ABI2: variants seen among roughly 807,000 people sequenced by gnomAD.
ABI2 encodes the protein abelson interactor 2.
Under a neutral mutation model 59.2 loss-of-function variants are expected in ABI2, and 25 were observed. That is an observed-to-expected ratio of 0.42 (90% confidence interval 0.31 to 0.59). The LOEUF is 0.59. Among genes scored for constraint, ABI2 ranks in the 20% least tolerant of loss-of-function variants. ABI2 has a pLI of 0.14. For synonymous variants in ABI2, 213 were observed against 235.5 expected, an observed-to-expected ratio of 0.90 and a Z score of 0.87; for missense variants, 545 against 681.8, an observed-to-expected ratio of 0.80 and a Z score of 2.23.
intron 2 of ABI2, among the ~76,000 whole-genome samples, chr2:203,376,538 A>C (rs556571575): frequency 2.2e-4 from 34 of 152,190 alleles, no homozygotes; most frequent in Non-Finnish European, 4.6e-4. Context: ...AGCAACAACA[A>C]ATATATTTTT....
chr2:203,360,184 C>CA (rs58857922), intron 1 of ABI2, among the ~76,000 whole-genome samples: 1,304 of 70,508 alleles, frequency 0.018, 31 homozygotes, highest in African/African-American at 0.045. Context: ...GACTCCATCT[C>CA]AAAAAAAAAA....
intron 1 of ABI2, among the ~76,000 whole-genome samples, chr2:203,361,611 TAAA>T (rs922417996): frequency 6.6e-6 from 1 of 151,660 alleles, no homozygotes; most frequent in Non-Finnish European, 1.5e-5. Flanking sequence ...GAATGAAAAC[TAAA>T]AAAAAGGAGA....
chr2:203,335,098 T>A (rs997047566), intron 1 of ABI2, among the ~76,000 whole-genome samples: 1 of 152,150 alleles, frequency 6.6e-6, no homozygotes, highest in African/African-American at 2.4e-5. Context: ...GATACGAAGC[T>A]CCTAGAAGAT....
intron 6 of ABI2, chr2:203,395,131 T>G (rs1324090399): frequency 1.0e-5 from 7 of 702,832 alleles, no homozygotes; most frequent in South Asian, 4.4e-5. Flanking sequence ...AATGTCAGGT[T>G]GTTTTTTGGT....
At chr2:203,418,974 A>G (rs889649490) in intron 11 of ABI2, among the ~76,000 whole-genome samples, 3 of 152,244 alleles carry the variant, frequency 2.0e-5, no homozygotes, top group African/African-American at 4.8e-5. Flanking sequence ...AGGAACAAAG[A>G]TAAGAATGAC....
intron 2 of ABI2, among the ~76,000 whole-genome samples, chr2:203,369,644 G>C (rs2094912778): frequency 6.6e-6 from 1 of 152,160 alleles, no homozygotes; most frequent in African/African-American, 2.4e-5. Context: ...AATGGATAGA[G>C]ATTAATAAAC....
chr2:203,329,871 G>A (rs2071770094), intron 1 of ABI2, among the ~76,000 whole-genome samples: 1 of 151,828 alleles, frequency 6.6e-6, no homozygotes, highest in African/African-American at 2.4e-5. Context: ...CGAGTAGCTG[G>A]GACTACAGGC....
intron 2 of ABI2, chr2:203,374,839 G>A: frequency 2.2e-6 from 1 of 456,080 alleles, no homozygotes; most frequent in Non-Finnish European, 4.4e-6. Context: ...CACACTGATG[G>A]GCAGCTAACT....
chr2:203,422,037 GT>G (rs2098237215), intron 11 of ABI2, among the ~76,000 whole-genome samples: 1 of 151,538 alleles, frequency 6.6e-6, no homozygotes, highest in Non-Finnish European at 1.5e-5. Context: ...ATCCCTTAAA[GT>G]GCTGTAAAGC....
intron 11 of ABI2, among the ~76,000 whole-genome samples, chr2:203,418,411 G>C (rs961404080): frequency 3.3e-5 from 5 of 152,232 alleles, no homozygotes; most frequent in African/African-American, 1.2e-4. Flanking sequence ...AGTGATCTCA[G>C]GGCTTGACTG....
chr2:203,367,326 T>TC, intron 2 of ABI2: 3 of 215,664 alleles, frequency 1.4e-5, no homozygotes, highest in Non-Finnish European at 1.7e-5. Context: ...CCCCCGCCTT[T>TC]TTTTTTTTTT....
intron 2 of ABI2, among the ~76,000 whole-genome samples, chr2:203,370,980 C>T (rs759244606): frequency 7.2e-5 from 11 of 152,162 alleles, no homozygotes; most frequent in Non-Finnish European, 1.2e-4. Flanking sequence ...CGAAAAAGAA[C>T]GCTGAGTTGG....
chr2:203,378,094 TTC>T (rs907737680), intron 2 of ABI2, among the ~76,000 whole-genome samples: 10 of 151,892 alleles, frequency 6.6e-5, no homozygotes, highest in Non-Finnish European at 1.3e-4. Flanking sequence ...ATTATTTTTT[TTC>T]TTTTTCTTTT....
intron 1 of ABI2, chr2:203,342,246 A>T (rs2080386427): frequency 2.2e-6 from 1 of 455,380 alleles, no homozygotes; most frequent in South Asian, 1.6e-5. Flanking sequence ...TAACTCATGG[A>T]CCAAGTCCAG....
intron 2 of ABI2, among the ~76,000 whole-genome samples, chr2:203,374,386 G>T (rs2095533489): frequency 6.6e-6 from 1 of 151,388 alleles, no homozygotes; most frequent in African/African-American, 2.4e-5. Flanking sequence ...TGTAATCCCA[G>T]CTACTCTGGA....
chr2:203,367,782 C>A (rs565318065), intron 2 of ABI2, among the ~76,000 whole-genome samples: 2 of 151,974 alleles, frequency 1.3e-5, no homozygotes, highest in African/African-American at 4.8e-5. Context: ...GTGGGAGGAT[C>A]GCTTCAGCCC....
At position 203,338,934 on chromosome 2, in the gene ABI2, G is replaced by GTGTA. The variant is rs2077848776; in HGVS notation, c.117+10304_117+10305insGTAT. Among the ~76,000 whole-genome samples the GTGTA allele has an allele frequency of 3.5e-3, 18 of 5,180 alleles. 2 individuals are homozygous for GTGTA. The highest frequency in any genetic ancestry group is 0.024 in the East Asian group (4 of 166). The allele number at this position is 5,180 out of a possible 152,430, so 3.4% of individuals were successfully genotyped here. On this transcript the variant is annotated intron_variant, in intron 1 of 11. Coordinates refer to ENST00000261018, the MANE Select transcript of ABI2 (RefSeq NM_001375670.1). ...TGTGTGTGTGTGTGTGTGTGTATAT[G>GTGTA]TATATATATATATATATATATATAT...
At position 203,427,361 on chromosome 2, in the gene ABI2, A is replaced by G; in HGVS notation, c.*9A>G. ...TGCATTATTCTGAGTAAAGCTCAGC[A>G]GGGCTGTGCTTGCCTCACAGGAATA... On this transcript the variant is annotated 3_prime_UTR_variant, in exon 12 of 12. Transcript: ENST00000261018. 1 of 1,609,440 alleles carries G rather than the reference A, an allele frequency of 6.2e-7. No homozygotes were observed. Among genetic ancestry groups the G allele is most frequent in the Non-Finnish European group, 8.5e-7 (1 of 1,176,856 alleles).
At chr2:203,371,419 T>C (rs2095176539) in intron 2 of ABI2, among the ~76,000 whole-genome samples, 1 of 152,238 alleles carries the variant, frequency 6.6e-6, no homozygotes, top group Non-Finnish European at 1.5e-5. Flanking sequence ...GAATATATAG[T>C]ATCAGACACT....
Sources: gnomAD v4.1 joint callset for allele counts (sites outside exome capture counted in the v4.1 genomes callset) on GRCh38, gnomAD v4.1.1 for gene constraint, MANE v1.5 for transcripts, NCBI Gene and HGNC (gene_info 2026-07-23, HGNC 2026-07-21) for gene names.